CSMD2: variants seen among roughly 807,000 people sequenced by gnomAD.
CSMD2 encodes CUB and sushi domain-containing protein 2.
A neutral mutation model predicts 398.5 loss-of-function variants in CSMD2; 130 were observed. That is an observed-to-expected ratio of 0.33 (90% CI 0.28 to 0.38). The LOEUF (loss-of-function observed/expected upper bound fraction) is 0.38, where lower values mean the gene tolerates loss of function less well. CSMD2 is among the 10% of genes least tolerant of loss of function. CSMD2 has a pLI of 1.00. For missense variants in CSMD2, 3,829 were observed against 4,764.9 expected (o/e 0.80, Z 5.78); for synonymous variants, 1,828 against 1,908.5 (o/e 0.96, Z 1.10).
intron 10 of CSMD2, among the ~76,000 whole-genome samples, chr1:33,806,863 G>A (rs1656289918): frequency 6.6e-6 from 1 of 152,066 alleles, no homozygotes; most frequent in Admixed American, 6.6e-5. Flanking sequence ...TATGAGAGAG[G>A]TTAAGAAATA....
At chr1:33,577,191 T>G in intron 49 of CSMD2, 105 bp downstream of exon 49, 1 of 1,048,098 alleles carries the variant, frequency 9.5e-7, no homozygotes, top group Non-Finnish European at 1.4e-6. Context: ...ATGAAATAAT[T>G]ATCAAAGAGG....
chr1:33,662,058 T>G (rs1644154638), intron 26 of CSMD2, among the ~76,000 whole-genome samples: 1 of 152,112 alleles, frequency 6.6e-6, no homozygotes, highest in Non-Finnish European at 1.5e-5. Flanking sequence ...AAGAGGCACT[T>G]CAGAGGAGAT....
At chr1:33,886,504 A>G (rs1400622658) in intron 5 of CSMD2, among the ~76,000 whole-genome samples, 1 of 152,182 alleles carries the variant, frequency 6.6e-6, no homozygotes, top group Non-Finnish European at 1.5e-5. Flanking sequence ...CCAGTTAGGG[A>G]ATCAGGGGAG....
At chr1:33,676,579 T>G (rs555092148) in intron 25 of CSMD2, among the ~76,000 whole-genome samples, 1 of 152,288 alleles carries the variant, frequency 6.6e-6, no homozygotes, top group East Asian at 1.9e-4. Flanking sequence ...AAGCTACCAA[T>G]GACTTTCTTC....
intron 3 of CSMD2, among the ~76,000 whole-genome samples, chr1:33,996,395 C>T (rs1235788050): frequency 2.0e-5 from 3 of 152,244 alleles, no homozygotes; most frequent in African/African-American, 7.2e-5. Context: ...GCCTACCAGC[C>T]TTGGCACAGG....
chr1:34,165,599 AACACACACACACAC>A, upstream of CSMD2: 1 of 636,584 alleles, frequency 1.6e-6, no homozygotes, highest in Admixed American at 2.6e-5. Context: ...CACACACACA[AACACACACACACAC>A]ACACAGTGAC....
chr1:33,557,847 C>G lies in CSMD2; in HGVS notation c.8630G>C (p.Ser2877Thr). Residue 2877 changes from serine (S) to threonine (T), a missense_variant, in exon 55 of 71, where the codon AGC (serine) becomes ACC (threonine). Around this residue, in one of 5 missense-constraint regions of CSMD2, gnomAD observed 917 missense variants for 1,199.5 expected, o/e 0.76. Transcript: ENST00000373381. Reference protein sequence around the residue: ...QVHASGPHRFSFGTTVSYRCN... With the variant: ...QVHASGPHRFTFGTTVSYRCN... Reference sequence around the variant, plus strand: ...CCGGTAAGACACAGTGGTGCCGAAGCTGAACCTGTGCGGGCCGCTGGCGTG... The same window carrying G: ...CCGGTAAGACACAGTGGTGCCGAAGGTGAACCTGTGCGGGCCGCTGGCGTG... 6.5e-7 allele frequency: 1 copy of G among 1,536,114 alleles called. No homozygotes were observed. The highest frequency in any genetic ancestry group is 8.7e-7 in the Non-Finnish European group (1 of 1,146,902).
chr1:33,706,895 G>A (rs1645804912), intron 22 of CSMD2, among the ~76,000 whole-genome samples: 2 of 152,078 alleles, frequency 1.3e-5, no homozygotes, highest in African/African-American at 4.8e-5. Context: ...GTATGCGTGT[G>A]TGTGTGCACG....
intron 15 of CSMD2, among the ~76,000 whole-genome samples, chr1:33,734,561 AAGATCATG>A (rs1365973548): frequency 2.0e-5 from 3 of 152,070 alleles, no homozygotes; most frequent in Non-Finnish European, 4.4e-5. Context: ...CCGAGGCTGG[AAGATCATG>A]AGGTCAGGAG....
chr1:33,694,366 T>C (rs1013465174), intron 24 of CSMD2, among the ~76,000 whole-genome samples: 29 of 152,286 alleles, frequency 1.9e-4, no homozygotes, highest in Admixed American at 1.6e-3. Context: ...ACTACTCACA[T>C]GGTTAGGCTT....
intron 19 of CSMD2, among the ~76,000 whole-genome samples, chr1:33,716,978 C>T (rs1646193301): frequency 6.6e-6 from 1 of 152,132 alleles, no homozygotes; most frequent in African/African-American, 2.4e-5. Context: ...GGGGCCGGAA[C>T]AGAAAGCAGT....
chr1:33,819,847 A>G lies in CSMD2; in HGVS notation c.1200-10T>C. 2 of 1,613,918 alleles carry G rather than the reference A, an allele frequency of 1.2e-6. No homozygotes were observed. The highest frequency in any genetic ancestry group is 1.7e-6 in the Non-Finnish European group (2 of 1,179,886). ...GACGCTGGATCCTAACCTGGGAGACAAAGTGTGTCTGTGAGCTCCATCCCT... is the reference window on the plus strand; with the variant it reads ...GACGCTGGATCCTAACCTGGGAGACGAAGTGTGTCTGTGAGCTCCATCCCT... On this transcript the variant is annotated splice_polypyrimidine_tract_variant and intron_variant, in intron 8 of 70. Coordinates refer to ENST00000373381, the MANE Select transcript of CSMD2 (RefSeq NM_001281956.2).
Position 33,578,955 on chromosome 1 carries a change from C to T in CSMD2, c.7388-1471G>A, listed in dbSNP as rs16835632. On this transcript the variant is annotated intron_variant, in intron 48 of 70. Coordinates refer to ENST00000373381, the MANE Select transcript of CSMD2 (RefSeq NM_001281956.2). The stretch of plus-strand genomic sequence containing the variant: ...TGTGCTGTATCCACATGGTTACCTC[C>T]CTCAGGAACAAGAATCTCGGTTGTA... 7.7e-3 allele frequency among the ~76,000 whole-genome samples: 1,169 copies of T among 152,286 alleles called. 11 individuals are homozygous for T. Among genetic ancestry groups the T allele is most frequent in the African/African-American group, 0.026 (1,089 of 41,542 alleles).
intron 53 of CSMD2, among the ~76,000 whole-genome samples, chr1:33,563,214 C>T (rs758250494): frequency 8.5e-5 from 13 of 152,144 alleles, no homozygotes; most frequent in East Asian, 1.9e-4. Context: ...ATAGTAGATG[C>T]TAAGGGAATC....
chr1:33,853,609 A>C (rs1638865639), intron 5 of CSMD2, among the ~76,000 whole-genome samples: 1 of 151,978 alleles, frequency 6.6e-6, no homozygotes, highest in Non-Finnish European at 1.5e-5. Context: ...CGGAAAGTGC[A>C]AGACTCAGCT....
Position 33,559,535 on chromosome 1 carries a change from C to A in CSMD2, c.8381-62G>T. The A allele has an allele frequency of 7.1e-7, 1 of 1,417,334 alleles. No homozygotes were observed. Among genetic ancestry groups the A allele is most frequent in the South Asian group, 1.3e-5 (1 of 78,760 alleles). The allele number at this position is 1,417,334 out of a possible 1,614,324, so 87.8% of individuals were successfully genotyped here. On this transcript the variant is annotated intron_variant, in intron 53 of 70. Coordinates refer to ENST00000373381, the MANE Select transcript of CSMD2 (RefSeq NM_001281956.2). The surrounding 1 kb of genome is among the most constrained non-coding windows in gnomAD (Gnocchi z 4.0). ...TATTCCACACCCCTCAGAATTTATC[C>A]ACCTCTCACCTGGCATCTCTTAGGC...
intron 53 of CSMD2, among the ~76,000 whole-genome samples, chr1:33,565,258 C>A (rs1658950182): frequency 6.6e-6 from 1 of 152,108 alleles, no homozygotes; most frequent in African/African-American, 2.4e-5. Flanking sequence ...CAATGTACAA[C>A]CACAGAAAAG....
chr1:33,730,457 A>G (rs952070405), intron 15 of CSMD2, among the ~76,000 whole-genome samples: 3 of 152,212 alleles, frequency 2.0e-5, no homozygotes, highest in African/African-American at 7.2e-5. Flanking sequence ...AAGCAAATCA[A>G]TAAACTGATA....
At chr1:33,747,492 GA>G (rs1435621150) in intron 13 of CSMD2, among the ~76,000 whole-genome samples, 2 of 152,146 alleles carry the variant, frequency 1.3e-5, no homozygotes, top group African/African-American at 2.4e-5. Context: ...ATTAGTAATA[GA>G]ATATGAAATA....
Sources: gnomAD v4.1 joint callset for allele counts (sites outside exome capture counted in the v4.1 genomes callset) on GRCh38, gnomAD v4.1.1 for gene constraint, gnomAD v4.1.1 regional missense constraint, Gnocchi (gnomAD v3.1) non-coding constraint, MANE v1.5 for transcripts, NCBI Gene and HGNC (gene_info 2026-07-23, HGNC 2026-07-21) for gene names.